The following PLCL2 variants were observed in gnomAD, a reference collection of about 807,000 sequenced individuals.
The protein encoded by PLCL2 is inactive phospholipase C-like protein 2.
Under a neutral mutation model 79.6 loss-of-function variants are expected in PLCL2, and 4 were observed. The ratio of observed to expected loss-of-function variants is 0.05; its 90% CI spans 0.02 to 0.11. The LOEUF is 0.11. Ranked by LOEUF, PLCL2 falls within the 10% of genes least tolerant of loss-of-function variation. The pLI is 1.00. For synonymous variants in PLCL2, 484 were observed against 457.7 expected, an observed-to-expected ratio of 1.06 and a Z score of -0.73; for missense variants, 895 against 1,291.0, an observed-to-expected ratio of 0.69 and a Z score of 4.70.
chr3:16,891,288 C>T (rs1322566602), intron 1 of PLCL2, among the ~76,000 whole-genome samples: 1 of 152,158 alleles, frequency 6.6e-6, no homozygotes, highest in Non-Finnish European at 1.5e-5. Flanking sequence ...AGAATAAAAC[C>T]TCCTCTCATA....
rs533851313 is a variant in PLCL2 at position 17,042,765 on chromosome 3, C to A, written c.3019-109C>A. 22 of 723,382 alleles carry A rather than the reference C, an allele frequency of 3.0e-5. No homozygotes were observed. The South Asian group carries it at 3.6e-4, about 12-fold the overall frequency. 44.8% of individuals were successfully genotyped at this position (723,382 alleles called of 1,614,324 possible). A position where few individuals can be genotyped will look rare whatever the true frequency, so the allele number is the denominator to read the frequency against. ...AGTAGTGGAAAGTCAGATAAAAAAG[C>A]GTTTAATATCATCACATCAGCCTGT... On this transcript the variant is annotated intron_variant, in intron 3 of 5. Coordinates refer to ENST00000615277, the MANE Select transcript of PLCL2 (RefSeq NM_001144382.2).
intron 3 of PLCL2, among the ~76,000 whole-genome samples, chr3:17,034,626 G>A (rs2064622779): frequency 6.6e-6 from 1 of 152,146 alleles, no homozygotes; most frequent in Admixed American, 6.6e-5. Flanking sequence ...TTTCTTAAAT[G>A]TATGTATAGT....
rs1283223258 is a variant in PLCL2 at position 17,068,071 on chromosome 3, T to TATA, written c.3204+7_3204+9dup. On this transcript the variant is annotated splice_region_variant and intron_variant, in intron 5 of 5. Coordinates refer to ENST00000615277, the MANE Select transcript of PLCL2 (RefSeq NM_001144382.2). ...GGAATATTACCATCTTAAAGGTATC[T>TATA]ATAGAGTTGTTTCTGATGCTGGTGA... 1.3e-6 allele frequency: 2 copies of TATA among 1,495,154 alleles called. No homozygotes were observed. Among genetic ancestry groups the TATA allele is most frequent in the South Asian group, 2.3e-5 (2 of 86,372 alleles). The allele number at this position is 1,495,154 out of a possible 1,614,324, so 92.6% of individuals were successfully genotyped here.
At chr3:16,938,064 C>G (rs541847001) in intron 1 of PLCL2, among the ~76,000 whole-genome samples, 1 of 152,238 alleles carries the variant, frequency 6.6e-6, no homozygotes, top group East Asian at 1.9e-4. Context: ...ATAATGCAAT[C>G]GTGTTAAATC....
chr3:16,973,531 A>G (rs548326930), intron 1 of PLCL2, among the ~76,000 whole-genome samples: 1 of 152,284 alleles, frequency 6.6e-6, no homozygotes, highest in South Asian at 2.1e-4. Flanking sequence ...TATTCCTTAA[A>G]TACTTTAAAA....
chr3:17,072,479 G>T (rs1442367937), intron 5 of PLCL2, among the ~76,000 whole-genome samples: 1 of 151,970 alleles, frequency 6.6e-6, no homozygotes, highest in Non-Finnish European at 1.5e-5. Context: ...GACCAGCCTG[G>T]CCAACATGAC....
At chr3:16,970,389 A>T (rs2063849337) in intron 1 of PLCL2, among the ~76,000 whole-genome samples, 1 of 150,592 alleles carries the variant, frequency 6.6e-6, no homozygotes, top group Non-Finnish European at 1.5e-5. Context: ...AAGGACATGA[A>T]CTCATCATTT....
chr3:16,964,919 A>G (rs915945952), intron 1 of PLCL2, among the ~76,000 whole-genome samples: 1 of 152,156 alleles, frequency 6.6e-6, no homozygotes, highest in Admixed American at 6.5e-5. Flanking sequence ...GCTGGATATT[A>G]GCCCTTTGTC....
chr3:17,066,838 A>C (rs1451164091), intron 4 of PLCL2, among the ~76,000 whole-genome samples: 2 of 152,228 alleles, frequency 1.3e-5, no homozygotes, highest in Non-Finnish European at 2.9e-5. Context: ...GAAGATTATT[A>C]ATAATATGTA....
intron 1 of PLCL2, among the ~76,000 whole-genome samples, chr3:16,995,202 C>T (rs2064141535): frequency 6.6e-6 from 1 of 152,216 alleles, no homozygotes; most frequent in African/African-American, 2.4e-5. Context: ...ATCATATGTC[C>T]TTTAGTGTAG....
intron 1 of PLCL2, among the ~76,000 whole-genome samples, chr3:16,956,480 C>A (rs1021332442): frequency 1.3e-5 from 2 of 152,094 alleles, no homozygotes; most frequent in Non-Finnish European, 2.9e-5. Flanking sequence ...GGATATTGGT[C>A]TAAAATTCTC....
intron 2 of PLCL2, among the ~76,000 whole-genome samples, chr3:17,013,299 G>A (rs987184019): frequency 1.3e-5 from 2 of 152,194 alleles, no homozygotes; most frequent in Non-Finnish European, 1.5e-5. Flanking sequence ...AAAGCAGTCG[G>A]TAGTGATACT....
rs780874265 is a variant in PLCL2, at chr3:17,089,772, T to C, written c.3244T>C (p.Leu1082=). ...TTTGAAATATGCTAAGAATGAGACA[T>C]TGGAGAACCTGAAACAAATCCATTT... ...DLLKYAKNET[L]ENLKQIHFAA... The change falls in exon 6 of 6, where the codon TTG becomes CTG. Residue 1082 remains leucine (L), a synonymous_variant. Transcript: ENST00000615277. 35 of 1,613,254 alleles carry C rather than the reference T, an allele frequency of 2.2e-5. No homozygotes were observed. The highest frequency in any genetic ancestry group is 2.7e-5 in the Non-Finnish European group (32 of 1,179,426).
chr3:17,002,248 C>T (rs976659402), intron 1 of PLCL2, among the ~76,000 whole-genome samples: 4 of 151,956 alleles, frequency 2.6e-5, no homozygotes, highest in Admixed American at 6.6e-5. Flanking sequence ...TTTATCAGTT[C>T]TAAGAGTTTG....
Position 17,011,007 on chromosome 3 carries a change from A to G in PLCL2, c.1661A>G (p.Tyr554Cys), listed in dbSNP as rs573903013. The G allele has an allele frequency of 1.2e-6, 2 of 1,614,032 alleles. No homozygotes were observed. Among genetic ancestry groups the G allele is most frequent in the Non-Finnish European group, 1.7e-6 (2 of 1,179,942 alleles). The change falls in exon 2 of 6, where the codon TAT becomes TGT. Residue 554 changes from tyrosine to cysteine, a missense_variant. Physicochemically the swap from Tyr to Cys is radical, Grantham distance 194. This residue lies in a region of PLCL2 where 242 missense variants were observed against 399.5 expected (regional missense o/e 0.61). Coordinates refer to ENST00000615277, the MANE Select transcript of PLCL2 (RefSeq NM_001144382.2). This position sits in a 1 kb window ranked among gnomAD's most constrained non-coding sequence, Gnocchi z 7.9. ...YTTSPNVEES[Y>C]LPSPDVLKGK... Reference sequence around the variant, plus strand: ...ACATCACCCAATGTTGAGGAATCTTATCTACCATCCCCAGATGTCCTGAAA... The same window carrying G: ...ACATCACCCAATGTTGAGGAATCTTGTCTACCATCCCCAGATGTCCTGAAA...
chr3:17,044,707 T>A (rs1482952879), intron 4 of PLCL2, among the ~76,000 whole-genome samples: 1 of 152,222 alleles, frequency 6.6e-6, no homozygotes, highest in African/African-American at 2.4e-5. Context: ...CATGTATTGC[T>A]ATGAAAATTG....
chr3:17,073,541 C>G (rs186118136), intron 5 of PLCL2, among the ~76,000 whole-genome samples: 1 of 152,128 alleles, frequency 6.6e-6, no homozygotes, highest in South Asian at 2.1e-4. Context: ...GACAGTGGAG[C>G]TTGCTACACT....
chr3:17,071,895 C>T (rs1010410588), intron 5 of PLCL2, among the ~76,000 whole-genome samples: 4 of 151,666 alleles, frequency 2.6e-5, no homozygotes, highest in Non-Finnish European at 5.9e-5. Flanking sequence ...GGCACAATCT[C>T]GGCTCACTGC....
In PLCL2 at chr3:16,978,076, A is replaced by G. The variant is rs73145324; in HGVS notation, c.328-31598A>G. ...TACAACATCTGAATTTTAGTGAGAC[A>G]TAGACATTCAGAACATAGCAATACG... On this transcript the variant is annotated intron_variant, in intron 1 of 5. Transcript: ENST00000615277. Among the ~76,000 whole-genome samples, 1,135 of 152,344 alleles carry G rather than the reference A, an allele frequency of 7.5e-3. 19 individuals carry two copies. Among genetic ancestry groups the G allele is most frequent in the African/African-American group, 0.026 (1,082 of 41,578 alleles).
Sources: gnomAD v4.1 joint callset for allele counts (sites outside exome capture counted in the v4.1 genomes callset) on GRCh38, gnomAD v4.1.1 for gene constraint, gnomAD v4.1.1 regional missense constraint, Gnocchi (gnomAD v3.1) non-coding constraint, MANE v1.5 for transcripts, NCBI Gene and HGNC (gene_info 2026-07-23, HGNC 2026-07-21) for gene names.